Variants in ANGPT2 observed in about 807,000 individuals in gnomAD.
The protein encoded by ANGPT2 is angiopoietin-2.
Under a neutral mutation model 62.9 loss-of-function variants are expected in ANGPT2, and 28 were observed. The ratio of observed to expected loss-of-function variants is 0.44; its 90% confidence interval spans 0.33 to 0.61. The LOEUF (loss-of-function observed/expected upper bound fraction) is 0.61. Among genes scored for constraint, ANGPT2 ranks in the 20% least tolerant of loss-of-function variants. The pLI, the probability that ANGPT2 is intolerant of heterozygous loss-of-function variation, is 0.03. For synonymous variants in ANGPT2, 284 were observed against 207.8 expected (o/e 1.37, Z -3.15); for missense variants, 727 against 594.9 (o/e 1.22, Z -2.31).
At chr8:6,528,165 G>A (rs1014265141) in intron 2 of ANGPT2, among the ~76,000 whole-genome samples, 1 of 152,132 alleles carries the variant, frequency 6.6e-6, no homozygotes, top group Non-Finnish European at 1.5e-5. Flanking sequence ...CCATAGTGCT[G>A]GGATTTACAG....
chr8:6,543,742 C>T (rs568138055), intron 1 of ANGPT2, among the ~76,000 whole-genome samples: 1 of 152,238 alleles, frequency 6.6e-6, no homozygotes, highest in South Asian at 2.1e-4. Context: ...TGATCTGTCC[C>T]TTCGACCTCT....
intron 5 of ANGPT2, among the ~76,000 whole-genome samples, chr8:6,519,446 C>G (rs1305734875): frequency 6.6e-6 from 1 of 152,192 alleles, no homozygotes; most frequent in Non-Finnish European, 1.5e-5. Flanking sequence ...TGAAAAATGA[C>G]TTTGACACAG....
intron 7 of ANGPT2, among the ~76,000 whole-genome samples, chr8:6,510,712 C>G (rs967353726): frequency 3.3e-5 from 5 of 152,198 alleles, no homozygotes; most frequent in African/African-American, 1.2e-4. Context: ...TGTTTCAACA[C>G]TGGTGCACAC....
intron 2 of ANGPT2, among the ~76,000 whole-genome samples, chr8:6,531,693 C>T (rs764991908): frequency 1.3e-5 from 2 of 152,138 alleles, no homozygotes; most frequent in African/African-American, 2.4e-5. Context: ...TGGCCCAACC[C>T]TTTATATTAT....
chr8:6,526,517 G>A (rs866899101), intron 3 of ANGPT2, among the ~76,000 whole-genome samples: 27 of 151,976 alleles, frequency 1.8e-4, no homozygotes, highest in Non-Finnish European at 1.3e-4. Flanking sequence ...TTTACTGTTT[G>A]TAGAGGAGAA....
At chr8:6,533,598 A>G (rs982448601) in intron 1 of ANGPT2, among the ~76,000 whole-genome samples, 2 of 140,812 alleles carry the variant, frequency 1.4e-5, no homozygotes, top group African/African-American at 5.2e-5. Flanking sequence ...TTTTTAAATA[A>G]TCTAATGATG....
intron 8 of ANGPT2, among the ~76,000 whole-genome samples, chr8:6,506,159 C>T (rs541124586): frequency 6.6e-5 from 10 of 151,550 alleles, no homozygotes; most frequent in East Asian, 2.0e-4. Context: ...GCAGATTGGA[C>T]GGAAGTTTGC....
chr8:6,538,912 C>G (rs1001764592), intron 1 of ANGPT2, among the ~76,000 whole-genome samples: 1 of 152,172 alleles, frequency 6.6e-6, no homozygotes, highest in African/African-American at 2.4e-5. Context: ...ATTTGGGAGG[C>G]TTTTGACCTA....
rs1825808967 is a variant in ANGPT2 at position 6,563,108 on chromosome 8, G to C, written c.-174C>G. The stretch of plus-strand genomic sequence containing the variant: ...TAGCAAACCTGGTTTTTACTGCTGT[G>C]TTCTCTCCAGGCATGCAGTAAACTG... On this transcript the variant is annotated 5_prime_UTR_variant, in exon 1 of 9. Coordinates refer to ENST00000629816, the MANE Select transcript of ANGPT2 (RefSeq NM_001118887.2). The C allele has an allele frequency of 1.6e-6, 1 of 614,138 alleles. No homozygotes were observed. The highest frequency in any genetic ancestry group is 3.0e-5 in the East Asian group (1 of 33,814). The allele number at this position is 614,138 out of a possible 1,614,324, so 38.0% of individuals were successfully genotyped here.
At chr8:6,528,847 A>G (rs1007872394) in intron 2 of ANGPT2, among the ~76,000 whole-genome samples, 1 of 152,202 alleles carries the variant, frequency 6.6e-6, no homozygotes, top group Non-Finnish European at 1.5e-5. Context: ...GGTTTCAGGG[A>G]TGGTCTTATC....
At chr8:6,533,362 G>C (rs957765021) in intron 1 of ANGPT2, among the ~76,000 whole-genome samples, 1 of 152,184 alleles carries the variant, frequency 6.6e-6, no homozygotes, top group East Asian at 1.9e-4. Flanking sequence ...GAGTACGTGG[G>C]AAGAGCCTTT....
rs1450263940 is a variant in ANGPT2, at chr8:6,515,130, T to A, written c.928-352A>T. Among the ~76,000 whole-genome samples the A allele has an allele frequency of 3.3e-5, 5 of 152,136 alleles. No individual in the cohort carries two copies. In the East Asian group the frequency reaches 5.8e-4, roughly 18 times the overall value. On this transcript the variant is annotated intron_variant, in intron 5 of 8. Coordinates refer to ENST00000629816, the MANE Select transcript of ANGPT2 (RefSeq NM_001118887.2). ...TTATGAATGGCACATTTTGGCAGAT[T>A]GGCCCCGAACCCCACATCTCCATCC...
chr8:6,552,461 A>G (rs1023114677), intron 1 of ANGPT2, among the ~76,000 whole-genome samples: 2 of 152,232 alleles, frequency 1.3e-5, no homozygotes, highest in Non-Finnish European at 2.9e-5. Flanking sequence ...CTTTCGAGTA[A>G]ACATGTGCTT....
Position 6,503,082 on chromosome 8 carries a change from C to G in ANGPT2, c.*19G>C, listed in dbSNP as rs1376578415. ...CTTTGAAAATAGTTCGAGACAGTTC[C>G]TCAGGTGGACTGGGATGTTTAGAAA... On this transcript the variant is annotated 3_prime_UTR_variant, in exon 9 of 9. Coordinates refer to ENST00000629816, the MANE Select transcript of ANGPT2 (RefSeq NM_001118887.2). The G allele has an allele frequency of 1.2e-6, 2 of 1,613,988 alleles. No individual in the cohort carries two copies. Among genetic ancestry groups the G allele is most frequent in the Non-Finnish European group, 8.5e-7 (1 of 1,179,944 alleles).
At chr8:6,517,181 C>T (rs1816421875) in intron 5 of ANGPT2, among the ~76,000 whole-genome samples, 1 of 152,168 alleles carries the variant, frequency 6.6e-6, no homozygotes, top group African/African-American at 2.4e-5. Flanking sequence ...TCAGATACTT[C>T]CCAAGACCTT....
chr8:6,521,084 C>T (rs990970234), intron 4 of ANGPT2, 94 bp downstream of exon 4: 19 of 862,408 alleles, frequency 2.2e-5, no homozygotes, highest in African/African-American at 8.5e-5. Flanking sequence ...TGAGAAATAG[C>T]GCCTTTTCTG....
At position 6,513,658 on chromosome 8, in the gene ANGPT2, A is replaced by G. The variant is rs114577224; in HGVS notation, c.1196+20T>C. On this transcript the variant is annotated intron_variant, in intron 7 of 8. Transcript: ENST00000629816. ...ACAAATCTTTTAATTTTTTCTTTCA[A>G]TTACCATGAACTCACTTACCTATAA... 9.0e-4 allele frequency: 1,430 copies of G among 1,587,530 alleles called. 9 individuals are homozygous for G. The African/African-American group carries it at 0.016, about 18-fold the overall frequency.
intron 1 of ANGPT2, among the ~76,000 whole-genome samples, chr8:6,533,981 T>C (rs1176809981): frequency 6.6e-6 from 1 of 152,164 alleles, no homozygotes; most frequent in Non-Finnish European, 1.5e-5. Flanking sequence ...GCTGGAACTA[T>C]AAGTTTCCTG....
In ANGPT2 at chr8:6,513,613, G is replaced by A. The variant is rs191058093; in HGVS notation, c.1196+65C>T. ...CTCCCAAAGTGCTGGGATTACAGGC[G>A]TGAGCCACCGTGCCCGGCCACAAAT... On this transcript the variant is annotated intron_variant, in intron 7 of 8. Transcript: ENST00000629816. 58 of 1,451,542 alleles carry A rather than the reference G, an allele frequency of 4.0e-5. 1 individual carries two copies. The highest frequency in any genetic ancestry group is 3.4e-4 in the African/African-American group (24 of 70,334). 89.9% of individuals were successfully genotyped at this position (1,451,542 alleles called of 1,614,324 possible).
Sources: allele counts gnomAD v4.1 joint callset (sites outside exome capture counted in the v4.1 genomes callset), GRCh38; gene constraint gnomAD v4.1.1; transcripts MANE v1.5; gene names NCBI Gene and HGNC (gene_info 2026-07-23, HGNC 2026-07-21).